The following DNAH11 variants were observed in gnomAD, a reference collection of about 807,000 sequenced individuals.
DNAH11 encodes dynein axonemal heavy chain 11.
Under a neutral mutation model 526.0 loss-of-function variants are expected in DNAH11, and 442 were observed. The ratio of observed to expected loss-of-function variants is 0.84; its 90% CI spans 0.78 to 0.91. The LOEUF (loss-of-function observed/expected upper bound fraction) is 0.91. Among genes scored for constraint, DNAH11 ranks in the 40% least tolerant of loss-of-function variants. The pLI, the probability that DNAH11 is intolerant of heterozygous loss-of-function variation, is 0.00. For synonymous variants in DNAH11, 2,461 were observed against 1,935.9 expected (o/e 1.27, Z -7.12); for missense variants, 6,989 against 5,448.7 (o/e 1.28, Z -8.90).
intron 66 of DNAH11, among the ~76,000 whole-genome samples, chr7:21,849,951 G>A (rs1383326507): frequency 3.4e-5 from 5 of 148,822 alleles, no homozygotes; most frequent in Non-Finnish European, 7.5e-5. Context: ...CACAGTTCTT[G>A]GATATTCTTT....
At chr7:21,711,088 T>A (rs1784449752) in intron 41 of DNAH11, among the ~76,000 whole-genome samples, 1 of 152,186 alleles carries the variant, frequency 6.6e-6, no homozygotes, top group Non-Finnish European at 1.5e-5. Context: ...ACTAGTTCCT[T>A]TGGCTATGGA....
chr7:21,845,966 AC>A (rs1782401588), intron 66 of DNAH11, among the ~76,000 whole-genome samples: 1 of 152,172 alleles, frequency 6.6e-6, no homozygotes, highest in South Asian at 2.1e-4. Context: ...TGAAATCTAT[AC>A]CTAAGTGTTT....
chr7:21,843,824 T>C (rs544631074), intron 66 of DNAH11, among the ~76,000 whole-genome samples: 1 of 152,170 alleles, frequency 6.6e-6, no homozygotes, highest in South Asian at 2.1e-4. Flanking sequence ...ATTGAAATGG[T>C]GATGTGAAAA....
At chr7:21,850,608 C>CTTT (rs3062635) in intron 66 of DNAH11, among the ~76,000 whole-genome samples, 1,099 of 62,572 alleles carry the variant, frequency 0.018, no homozygotes, top group Middle Eastern at 0.026. Context: ...CTGTCTTCTT[C>CTTT]TTTTTTTTTT....
Position 21,749,786 on chromosome 7 carries a change from G to A in DNAH11, c.8782G>A (p.Asp2928Asn), listed in dbSNP as rs768758217. ...TGAGAGCTTCCTCGTGCTGATTAAT[G>A]ACTTGCTGGCATCAGGTGATTAAAC... is the stretch of plus-strand genomic sequence containing the variant. ...LDESFLVLIN[D>N]LLASGEIPDL... The change falls in exon 53 of 82, where the codon GAC becomes AAC. Residue 2928 changes from aspartate (D) to asparagine (N), a missense_variant. Asp to Asn is a conservative substitution (Grantham distance 23). Transcript: ENST00000409508. 7.4e-6 allele frequency: 12 copies of A among 1,613,754 alleles called. No homozygotes were observed. Among genetic ancestry groups the A allele is most frequent in the Admixed American group, 1.7e-5 (1 of 59,996 alleles).
Position 21,588,049 on chromosome 7 carries a change from C to G in DNAH11, c.1711-15C>G, listed in dbSNP as rs1458271491. On this transcript the variant is annotated splice_polypyrimidine_tract_variant and intron_variant, in intron 9 of 81. Coordinates refer to ENST00000409508, the MANE Select transcript of DNAH11 (RefSeq NM_001277115.2). ...CTCATAGTGCTTAATGTTGCCTTCACTTTGATTTTTATAGCTTTTGACCAT... is the reference window on the plus strand; with the variant it reads ...CTCATAGTGCTTAATGTTGCCTTCAGTTTGATTTTTATAGCTTTTGACCAT... The G allele has an allele frequency of 1.2e-6, 2 of 1,611,648 alleles. No individual in the cohort carries two copies. Among genetic ancestry groups the G allele is most frequent in the Non-Finnish European group, 1.7e-6 (2 of 1,179,040 alleles).
chr7:21,856,696 A>G (rs1305202402), intron 68 of DNAH11, among the ~76,000 whole-genome samples: 1 of 152,220 alleles, frequency 6.6e-6, no homozygotes, highest in Non-Finnish European at 1.5e-5. Context: ...CACGAAGTGT[A>G]ATTAATCAGT....
At chr7:21,617,559 T>C in intron 22 of DNAH11, 60 bp from the exon 23 acceptor site, 1 of 1,571,866 alleles carries the variant, frequency 6.4e-7, no homozygotes, top group Non-Finnish European at 8.7e-7. Context: ...AGGAGGCAAA[T>C]TATTAATATA....
chr7:21,868,800 A>C, intron 72 of DNAH11, 64 bp from the exon 73 acceptor site: 1 of 1,602,372 alleles, frequency 6.2e-7, no homozygotes, highest in Non-Finnish European at 8.5e-7. Context: ...AGACCACAGA[A>C]TTCCAGGCTC....
Position 21,819,202 on chromosome 7 carries a change from C to A in DNAH11, c.10691+863C>A, listed in dbSNP as rs6963324. On this transcript the variant is annotated intron_variant, in intron 65 of 81. Transcript: ENST00000409508. ...CAAAGATATATAATTTCAGAACTTC[C>A]CCCACCCTGTTCTTTCTTAACGCCC... Among the ~76,000 whole-genome samples the A allele has an allele frequency of 2.5e-3, 375 of 152,156 alleles. 3 individuals carry two copies. The highest frequency in any genetic ancestry group is 8.7e-3 in the African/African-American group (363 of 41,520).
chr7:21,797,763 G>T (rs10267399), intron 61 of DNAH11, among the ~76,000 whole-genome samples: 2 of 152,120 alleles, frequency 1.3e-5, no homozygotes, highest in Non-Finnish European at 2.9e-5. Flanking sequence ...ATGCCCTTAA[G>T]AGTTACATGC....
rs538999586 is a variant in DNAH11 at position 21,838,521 on chromosome 7, C to T, written c.10692-4023C>T. On this transcript the variant is annotated intron_variant, in intron 65 of 81. Coordinates refer to ENST00000409508, the MANE Select transcript of DNAH11 (RefSeq NM_001277115.2). ...TGCTGTATCTTTCTGTATTTATTTG[C>T]CTGTTCTGGACATTTCACTAAGTGG... is the stretch of plus-strand genomic sequence containing the variant. Among the ~76,000 whole-genome samples, 3 of 152,190 alleles carry T rather than the reference C, an allele frequency of 2.0e-5. No individual in the cohort carries two copies. The East Asian group carries it at 5.8e-4, about 29-fold the overall frequency.
At position 21,745,073 on chromosome 7, in the gene DNAH11, C is replaced by T. The variant is rs544786328; in HGVS notation, c.8510+10C>T. On this transcript the variant is annotated intron_variant, in intron 51 of 81. Transcript: ENST00000409508. The stretch of plus-strand genomic sequence containing the variant: ...ATGCCATGCAACATGTGTGAGTTAA[C>T]TAGTCACGATGCTTTTCCACAAAAG... 62 of 1,597,830 alleles carry T rather than the reference C, an allele frequency of 3.9e-5. No individual in the cohort carries two copies. The South Asian group carries it at 6.4e-4, about 16-fold the overall frequency.
chr7:21,816,574 C>G lies in DNAH11; in HGVS notation c.10440C>G (p.Thr3480=), dbSNP rs369013054. The G allele has an allele frequency of 6.2e-7, 1 of 1,613,372 alleles. No homozygotes were observed. The highest frequency in any genetic ancestry group is 8.5e-7 in the Non-Finnish European group (1 of 1,179,728). The change falls in exon 64 of 82, where the codon ACC becomes ACG. Residue 3480 remains threonine, a synonymous_variant. Coordinates refer to ENST00000409508, the MANE Select transcript of DNAH11 (RefSeq NM_001277115.2). ...GACTGCCCAGTGACAGAATGTCCAC[C>G]GAAAATGCCGCTATCCTAACACACT... ...NEGLPSDRMS[T]ENAAILTHCE... is the part of the protein sequence containing the mutation.
At chr7:21,604,343 C>T (rs578122347) in intron 18 of DNAH11, among the ~76,000 whole-genome samples, 2 of 152,236 alleles carry the variant, frequency 1.3e-5, no homozygotes, top group Admixed American at 1.3e-4. Context: ...ACAGCAACAG[C>T]CCCTTAATTC....
chr7:21,557,128 CT>C (rs1253091067), intron 2 of DNAH11, among the ~76,000 whole-genome samples: 1 of 152,040 alleles, frequency 6.6e-6, no homozygotes, highest in Non-Finnish European at 1.5e-5. Context: ...TTGCTTAAAC[CT>C]AAACTCTTCA....
intron 30 of DNAH11, among the ~76,000 whole-genome samples, chr7:21,668,218 A>G (rs907715912): frequency 1.3e-5 from 2 of 152,184 alleles, no homozygotes; most frequent in Non-Finnish European, 2.9e-5. Flanking sequence ...CATCTTATGA[A>G]CAGAGGTAAT....
intron 6 of DNAH11, among the ~76,000 whole-genome samples, chr7:21,565,088 A>G (rs911055626): frequency 1.3e-5 from 2 of 152,188 alleles, no homozygotes; most frequent in African/African-American, 2.4e-5. Context: ...TCAGGCTGCC[A>G]TAGCAAAGTA....
At chr7:21,547,917 G>C (rs923199174) in intron 2 of DNAH11, among the ~76,000 whole-genome samples, 1 of 152,122 alleles carries the variant, frequency 6.6e-6, no homozygotes, top group African/African-American at 2.4e-5. Flanking sequence ...AATAGTAGCA[G>C]ATTATTTTGC....
Sources: allele counts gnomAD v4.1 joint callset (sites outside exome capture counted in the v4.1 genomes callset), GRCh38; gene constraint gnomAD v4.1.1; transcripts MANE v1.5; gene names NCBI Gene and HGNC (gene_info 2026-07-23, HGNC 2026-07-21).